The following ASPSCR1 variants were observed in gnomAD, a reference collection of about 807,000 sequenced individuals.
ASPSCR1 encodes tether containing UBX domain for GLUT4.
A neutral mutation model predicts 68.9 loss-of-function variants in ASPSCR1; 55 were observed. That is an observed-to-expected ratio of 0.80 (90% CI 0.64 to 1.00). ASPSCR1 has a LOEUF of 1.00. Ranked by LOEUF, ASPSCR1 falls within the 50% of genes least tolerant of loss-of-function variation. The probability of loss-of-function intolerance (pLI) is 0.00; values close to 1 mark genes in which losing one functional copy is unlikely to be tolerated. For synonymous variants in ASPSCR1, 352 were observed against 332.6 expected (o/e 1.06, Z -0.63); for missense variants, 765 against 762.2 (o/e 1.00, Z -0.04).
At chr17:81,978,041 T>G in intron 1 of ASPSCR1, 2 of 211,250 alleles carry the variant, frequency 9.5e-6, no homozygotes, top group Non-Finnish European at 1.9e-5. Context: ...CGAGCCCAGC[T>G]CGCGAGGGCG....
chr17:82,014,898 G>A (rs756872308), intron 12 of ASPSCR1: 359 of 777,118 alleles, frequency 4.6e-4, no homozygotes, highest in Non-Finnish European at 6.7e-4. Flanking sequence ...GGCTGTGTCA[G>A]GGCAGGGCGG....
intron 3 of ASPSCR1, among the ~76,000 whole-genome samples, chr17:81,985,139 C>T (rs1024419820): frequency 3.3e-5 from 5 of 150,036 alleles, no homozygotes; most frequent in African/African-American, 9.8e-5. Flanking sequence ...CACACACACG[C>T]ACATCTGCAC....
chr17:82,009,689 A>G, intron 9 of ASPSCR1, 122 bp downstream of exon 9: 1 of 750,128 alleles, frequency 1.3e-6, no homozygotes, highest in Non-Finnish European at 2.1e-6. Context: ...AGGTCTGTGG[A>G]CAGGACGTGG....
chr17:82,015,700 C>A, intron 12 of ASPSCR1: 1 of 328,054 alleles, frequency 3.0e-6, no homozygotes, highest in South Asian at 4.1e-5. Context: ...ATCTTGGAGG[C>A]CCGGTGGTGG....
intron 12 of ASPSCR1, chr17:82,015,437 C>T (rs1415392868): frequency 4.7e-5 from 69 of 1,471,076 alleles, no homozygotes; most frequent in Non-Finnish European, 9.1e-6. Flanking sequence ...GCCAAGCCTA[C>T]TTCCCTCTCC....
At chr17:81,994,775 T>G (rs373362351) in intron 4 of ASPSCR1, 46 bp from the exon 5 acceptor site, 3 of 1,592,074 alleles carry the variant, frequency 1.9e-6, no homozygotes, top group African/African-American at 1.3e-5. Flanking sequence ...GTGGCACTGG[T>G]TGAGCTGCCC....
At position 81,990,769 on chromosome 17, in the gene ASPSCR1, C is replaced by T. The variant is rs1347933542; in HGVS notation, c.375-4052C>T. ...GGAGGAAAGGGAGTACCTTTCTGAC[C>T]AGCATCTTTGCTGGGGTACAGATTG... On this transcript the variant is annotated intron_variant, in intron 4 of 15. Transcript: ENST00000306739. This position sits in a 1 kb window ranked among gnomAD's most constrained non-coding sequence, Gnocchi z 4.1. 1.3e-5 allele frequency among the ~76,000 whole-genome samples: 2 copies of T among 152,156 alleles called. No individual in the cohort carries two copies. Among genetic ancestry groups the T allele is most frequent in the Admixed American group, 1.3e-4 (2 of 15,278 alleles).
At chr17:82,011,472 C>G (rs1052951879) in intron 10 of ASPSCR1, 71 bp from the exon 11 acceptor site, 1 of 1,441,578 alleles carries the variant, frequency 6.9e-7, no homozygotes, top group African/African-American at 1.5e-5. Context: ...GGAGCAGTGG[C>G]CCAGGTGCTG....
Position 82,011,565 on chromosome 17 carries a change from GA to G in ASPSCR1, c.1261del (p.Arg421GlyfsTer115). The part of the protein sequence containing the change: ...ETVGDLRDFV[R>X]SHLGNPELSF... ...CAGTGGGGGACTTGCGAGACTTCGT[GA>G]GGAGCCACCTGGGGAACCCCGAGCT... On this transcript the variant is annotated frameshift_variant, in exon 11 of 16. Coordinates refer to ENST00000306739, the MANE Select transcript of ASPSCR1 (RefSeq NM_024083.4). LOFTEE classifies it high-confidence loss of function. The G allele has an allele frequency of 6.3e-7, 1 of 1,580,082 alleles. No individual in the cohort carries two copies. The highest frequency in any genetic ancestry group is 8.5e-7 in the Non-Finnish European group (1 of 1,169,688).
intron 7 of ASPSCR1, chr17:82,007,004 T>G (rs1014868996): frequency 6.6e-6 from 1 of 152,250 alleles, no homozygotes; most frequent in East Asian, 1.9e-4. Context: ...TGTTTGAAGT[T>G]TCTCCACACA....
chr17:81,983,806 G>A lies in ASPSCR1; in HGVS notation c.273+138G>A. The A allele has an allele frequency of 1.5e-6, 1 of 676,744 alleles. No individual in the cohort carries two copies. Among genetic ancestry groups the A allele is most frequent in the Non-Finnish European group, 2.5e-6 (1 of 405,752 alleles). The allele number at this position is 676,744 out of a possible 1,614,324, so 41.9% of individuals were successfully genotyped here. On this transcript the variant is annotated intron_variant, in intron 3 of 15. Coordinates refer to ENST00000306739, the MANE Select transcript of ASPSCR1 (RefSeq NM_024083.4). This position sits in a 1 kb window ranked among gnomAD's most constrained non-coding sequence, Gnocchi z 4.4. The stretch of plus-strand genomic sequence containing the variant: ...GCACCAGTTCTGCCTTCCCTGGGTT[G>A]GGCCCAAACAGCTTCCTGTTTTTTG...
rs559116972 is a variant in ASPSCR1 at position 81,989,317 on chromosome 17, C to T, written c.374+3710C>T. On this transcript the variant is annotated intron_variant, in intron 4 of 15. Coordinates refer to ENST00000306739, the MANE Select transcript of ASPSCR1 (RefSeq NM_024083.4). ...ATGGACGAGGTTTCATAGTGGGTGG[C>T]GTTGCCAGCCCCACGGTGAGGGTGG... 2.6e-4 allele frequency among the ~76,000 whole-genome samples: 39 copies of T among 152,306 alleles called. No homozygotes were observed. The East Asian group carries it at 7.2e-3, about 28-fold the overall frequency.
intron 7 of ASPSCR1, 31 bp downstream of exon 7, chr17:81,996,877 G>A (rs755490680): frequency 6.5e-7 from 1 of 1,547,158 alleles, no homozygotes; most frequent in Non-Finnish European, 8.7e-7. Context: ...TGGGACTTGG[G>A]GGTGTCCTTT....
chr17:81,995,016 A>G, intron 5 of ASPSCR1, 138 bp downstream of exon 5: 1 of 989,850 alleles, frequency 1.0e-6, no homozygotes, highest in Non-Finnish European at 1.4e-6. Context: ...TGTTTCATGG[A>G]AAAAGAGGGA....
intron 7 of ASPSCR1, chr17:82,004,655 T>G (rs1255974223): frequency 2.6e-5 from 4 of 151,936 alleles, no homozygotes; most frequent in Non-Finnish European, 2.9e-5. Flanking sequence ...CATTTTGAGC[T>G]TCTGGGGAGC....
intron 7 of ASPSCR1, among the ~76,000 whole-genome samples, chr17:82,003,208 G>A (rs1302692514): frequency 1.3e-5 from 2 of 152,266 alleles, no homozygotes; most frequent in Non-Finnish European, 2.9e-5. Context: ...CACTTCGGGA[G>A]ACCGAGCTGG....
In ASPSCR1 at chr17:81,985,648, G is replaced by T. The variant is rs1476994558; in HGVS notation, c.374+41G>T. On this transcript the variant is annotated intron_variant, in intron 4 of 15. Coordinates refer to ENST00000306739, the MANE Select transcript of ASPSCR1 (RefSeq NM_024083.4). ...CTGGGGGCTCTTCCCTACCCTGTTT[G>T]CTGGGGAAGCTGCTGTGGTTACTGG... 3.2e-6 allele frequency: 5 copies of T among 1,576,740 alleles called. No homozygotes were observed. In the Admixed American group the frequency reaches 6.7e-5, roughly 21 times the overall value.
intron 2 of ASPSCR1, among the ~76,000 whole-genome samples, chr17:81,980,305 G>A (rs1444931944): frequency 6.6e-6 from 1 of 152,230 alleles, no homozygotes; most frequent in Admixed American, 6.5e-5. Context: ...TTACAGTACT[G>A]TTGTCCTAAC....
intron 1 of ASPSCR1, 109 bp from the exon 2 acceptor site, chr17:81,979,074 GC>G (rs1170055993): frequency 8.4e-7 from 1 of 1,190,524 alleles, no homozygotes; most frequent in African/African-American, 1.5e-5. Context: ...CTTTGCCTGG[GC>G]AGAGCCACCT....
Sources: allele counts gnomAD v4.1 joint callset (sites outside exome capture counted in the v4.1 genomes callset), GRCh38; gene constraint gnomAD v4.1.1; non-coding constraint Gnocchi (gnomAD v3.1); transcripts MANE v1.5; gene names NCBI Gene and HGNC (gene_info 2026-07-23, HGNC 2026-07-21).